Variants in IPCEF1 observed in about 807,000 individuals in gnomAD.
The protein encoded by IPCEF1 is interactor protein for cytohesin exchange factors 1.
A neutral mutation model predicts 50.9 loss-of-function variants in IPCEF1; 31 were observed. The observed-to-expected ratio is 0.61, with a 90% CI of 0.46 to 0.82. The LOEUF (loss-of-function observed/expected upper bound fraction) is 0.82, where lower values mean the gene tolerates loss of function less well. Among genes scored for constraint, IPCEF1 ranks in the 40% least tolerant of loss-of-function variants. The pLI is 0.00. For synonymous variants in IPCEF1, 181 were observed against 192.0 expected, an observed-to-expected ratio of 0.94 and a Z score of 0.47; for missense variants, 458 against 514.0, an observed-to-expected ratio of 0.89 and a Z score of 1.05.
At chr6:154,176,094 C>T (rs1800303009) in intron 10 of IPCEF1, among the ~76,000 whole-genome samples, 1 of 152,154 alleles carries the variant, frequency 6.6e-6, no homozygotes, top group Non-Finnish European at 1.5e-5. Flanking sequence ...TCAATAGATG[C>T]AGAAAAGGCC....
chr6:154,162,420 T>A (rs1448049471), intron 11 of IPCEF1, among the ~76,000 whole-genome samples: 1 of 152,236 alleles, frequency 6.6e-6, no homozygotes, highest in Non-Finnish European at 1.5e-5. Context: ...ACTGCTCTTG[T>A]GAAGACCATC....
chr6:154,212,468 A>G (rs1161350611), intron 9 of IPCEF1, among the ~76,000 whole-genome samples: 1 of 152,224 alleles, frequency 6.6e-6, no homozygotes, highest in Non-Finnish European at 1.5e-5. Flanking sequence ...ACATAAATAA[A>G]CACTGTCAAA....
chr6:154,307,540 C>T (rs1240612521), intron 1 of IPCEF1, among the ~76,000 whole-genome samples: 1 of 151,788 alleles, frequency 6.6e-6, no homozygotes, highest in African/African-American at 2.4e-5. Flanking sequence ...AGGACTTCAG[C>T]ATATGAATAG....
At chr6:154,175,978 T>C (rs1192130711) in intron 10 of IPCEF1, among the ~76,000 whole-genome samples, 2 of 152,102 alleles carry the variant, frequency 1.3e-5, no homozygotes. Flanking sequence ...TCCACCACAA[T>C]CAAGTCGGCT....
intron 9 of IPCEF1, among the ~76,000 whole-genome samples, chr6:154,210,979 T>C (rs559887435): frequency 1.3e-5 from 2 of 152,274 alleles, no homozygotes; most frequent in Admixed American, 1.3e-4. Flanking sequence ...ATCCAGGAAC[T>C]TGCAAAACAC....
At chr6:154,349,144 T>A (rs528967592) in intron 1 of IPCEF1, among the ~76,000 whole-genome samples, 5 of 151,768 alleles carry the variant, frequency 3.3e-5, no homozygotes, top group Admixed American at 6.6e-5. Context: ...TGAGTTGGTT[T>A]CATCTTTTTT....
At chr6:154,275,845 G>A (rs1055595996) in intron 2 of IPCEF1, among the ~76,000 whole-genome samples, 3 of 152,178 alleles carry the variant, frequency 2.0e-5, no homozygotes, top group Admixed American at 6.5e-5. Context: ...TAGAGTTGGA[G>A]CCAAAACCCC....
intron 10 of IPCEF1, among the ~76,000 whole-genome samples, chr6:154,185,073 G>A (rs1027401135): frequency 6.6e-6 from 1 of 152,136 alleles, no homozygotes; most frequent in Non-Finnish European, 1.5e-5. Flanking sequence ...GGCATGACTA[G>A]CTAGTCCTTC....
At chr6:154,323,867 C>T (rs548280341) in intron 1 of IPCEF1, among the ~76,000 whole-genome samples, 1 of 152,266 alleles carries the variant, frequency 6.6e-6, no homozygotes, top group African/African-American at 2.4e-5. Flanking sequence ...GCAAGAGAAT[C>T]GTTTGAATCC....
At chr6:154,297,058 CT>C (rs1357043143) in intron 1 of IPCEF1, among the ~76,000 whole-genome samples, 1 of 151,444 alleles carries the variant, frequency 6.6e-6, no homozygotes, top group Admixed American at 6.6e-5. Flanking sequence ...CTCTCTCTCT[CT>C]TTTTTTTAAA....
chr6:154,324,896 C>A (rs1190280132), intron 1 of IPCEF1, among the ~76,000 whole-genome samples: 1 of 151,394 alleles, frequency 6.6e-6, no homozygotes, highest in Non-Finnish European at 1.5e-5. Flanking sequence ...TTTTTTCCAG[C>A]ATGGAAAAAA....
At chr6:154,310,283 A>G (rs1783047885) in intron 1 of IPCEF1, among the ~76,000 whole-genome samples, 1 of 152,198 alleles carries the variant, frequency 6.6e-6, no homozygotes. Context: ...GCTGAACATC[A>G]CTAACCATCA....
chr6:154,318,891 G>A (rs1377671208), intron 1 of IPCEF1, among the ~76,000 whole-genome samples: 1 of 152,074 alleles, frequency 6.6e-6, no homozygotes, highest in Non-Finnish European at 1.5e-5. Flanking sequence ...GCCAACCTAT[G>A]TGTGTCTGTC....
chr6:154,233,883 C>A (rs1165391348), intron 5 of IPCEF1, among the ~76,000 whole-genome samples: 1 of 152,168 alleles, frequency 6.6e-6, no homozygotes. Context: ...GACGAGCTCT[C>A]AACCAGCAAC....
rs532637876 is a variant in IPCEF1 at position 154,255,665 on chromosome 6, T to G, written c.37-8177A>C. 1.6e-4 allele frequency among the ~76,000 whole-genome samples: 25 copies of G among 152,356 alleles called. 3 individuals are homozygous for G. The highest frequency in any genetic ancestry group is 6.2e-4 in the South Asian group (3 of 4,832). On this transcript the variant is annotated intron_variant, in intron 3 of 11. Transcript: ENST00000367220. ...TTTGGGAGTACTGTTAGATTTGTGT[T>G]AGAGATGAGTGATTTTTCTTTCATA... is the stretch of plus-strand genomic sequence containing the variant.
At chr6:154,313,336 C>G (rs570222122) in intron 1 of IPCEF1, among the ~76,000 whole-genome samples, 2 of 151,122 alleles carry the variant, frequency 1.3e-5, no homozygotes, top group South Asian at 2.1e-4. Flanking sequence ...GATCGCGCCA[C>G]TCCACTCCAT....
intron 5 of IPCEF1, among the ~76,000 whole-genome samples, chr6:154,227,879 A>C (rs969335489): frequency 1.3e-5 from 2 of 152,132 alleles, no homozygotes; most frequent in African/African-American, 4.8e-5. Context: ...TCCCCAGGAA[A>C]TTATCACTTT....
At chr6:154,176,011 C>T (rs1800294676) in intron 10 of IPCEF1, among the ~76,000 whole-genome samples, 1 of 152,152 alleles carries the variant, frequency 6.6e-6, no homozygotes, top group Admixed American at 6.6e-5. Flanking sequence ...TGCAAGACTG[C>T]TTCAACGTAC....
chr6:154,298,789 C>T (rs1782724835), intron 1 of IPCEF1, among the ~76,000 whole-genome samples: 1 of 152,056 alleles, frequency 6.6e-6, no homozygotes, highest in East Asian at 1.9e-4. Flanking sequence ...CGTGGTGAAA[C>T]CCCGTCTCTA....
Sources: allele counts gnomAD v4.1 joint callset (sites outside exome capture counted in the v4.1 genomes callset), GRCh38; gene constraint gnomAD v4.1.1; transcripts MANE v1.5; gene names NCBI Gene and HGNC (gene_info 2026-07-23, HGNC 2026-07-21).